The following KLF12 variants were observed in gnomAD, a reference collection of about 807,000 sequenced individuals.
KLF12 encodes the protein Krueppel-like factor 12.
Under a neutral mutation model 37.8 loss-of-function variants are expected in KLF12, and 9 were observed. The observed-to-expected ratio is 0.24, with a 90% CI of 0.14 to 0.42. The LOEUF is 0.42. Ranked by LOEUF, KLF12 falls within the 10% of genes least tolerant of loss-of-function variation. The pLI is 1.00. For missense variants in KLF12, 411 were observed against 516.0 expected (o/e 0.80, Z 1.97); for synonymous variants, 208 against 202.1 (o/e 1.03, Z -0.25).
chr13:74,236,206 G>C, the KLF12 span, among the ~76,000 whole-genome samples: 1 of 137,352 alleles, frequency 7.3e-6, no homozygotes, highest in Non-Finnish European at 1.5e-5. Context: ...TTGGTTTTTT[G>C]TTCTTGCGAT....
the KLF12 span, among the ~76,000 whole-genome samples, chr13:74,287,357 A>AGG: frequency 7.0e-6 from 1 of 143,352 alleles, no homozygotes; most frequent in African/African-American, 2.7e-5. Context: ...GTTGAGAGAG[A>AGG]GAGAGAGAGA....
intron 6 of KLF12, among the ~76,000 whole-genome samples, chr13:73,738,089 GTACATATATA>G (rs1166112619): frequency 8.8e-6 from 1 of 113,040 alleles, no homozygotes; most frequent in Non-Finnish European, 1.9e-5. Flanking sequence ...ATATGTATGT[GTACATATATA>G]TATATATATA....
chr13:74,191,771 A>AGG, the KLF12 span, among the ~76,000 whole-genome samples: 1 of 152,174 alleles, frequency 6.6e-6, no homozygotes, highest in Non-Finnish European at 1.5e-5. Context: ...AGGCCAATTC[A>AGG]GGGGGAGGTA....
chr13:73,890,581 T>C (rs1887456664), intron 3 of KLF12, among the ~76,000 whole-genome samples: 2 of 152,254 alleles, frequency 1.3e-5, no homozygotes, highest in South Asian at 2.1e-4. Context: ...TGGATTTTAC[T>C]ATGTTGTTAA....
rs191935514 is a variant in KLF12 at position 73,945,466 on chromosome 13, T to C, written c.34-1396A>G. Among the ~76,000 whole-genome samples the C allele has an allele frequency of 3.7e-3, 546 of 145,634 alleles. 4 individuals carry two copies. Among genetic ancestry groups the C allele is most frequent in the South Asian group, 7.1e-3 (28 of 3,936 alleles). On this transcript the variant is annotated intron_variant, in intron 2 of 7. Coordinates refer to ENST00000377669, the MANE Select transcript of KLF12 (RefSeq NM_007249.5). Reference sequence around the variant, plus strand: ...CCTGGGGAACAAGAGTGAAACTCCATCTCAAAAATAAATAAATAAAAACGA... The same window carrying C: ...CCTGGGGAACAAGAGTGAAACTCCACCTCAAAAATAAATAAATAAAAACGA...
chr13:73,948,889 C>T (rs1042698432), intron 2 of KLF12, among the ~76,000 whole-genome samples: 1 of 152,164 alleles, frequency 6.6e-6, no homozygotes, highest in African/African-American at 2.4e-5. Flanking sequence ...TACTGCCATG[C>T]AACAAATCAC....
At chr13:74,302,042 G>C in the KLF12 span, among the ~76,000 whole-genome samples, 1 of 152,146 alleles carries the variant, frequency 6.6e-6, no homozygotes, top group African/African-American at 2.4e-5. Context: ...TATCTGTGAA[G>C]GATGTTTTTG....
At chr13:73,912,339 A>G (rs1335330485) in intron 3 of KLF12, among the ~76,000 whole-genome samples, 1 of 152,136 alleles carries the variant, frequency 6.6e-6, no homozygotes, top group Non-Finnish European at 1.5e-5. Context: ...CTCCAAAATG[A>G]TATGTTGAAG....
chr13:73,885,119 T>C (rs921746924), intron 3 of KLF12, among the ~76,000 whole-genome samples: 1 of 152,236 alleles, frequency 6.6e-6, no homozygotes, highest in Non-Finnish European at 1.5e-5. Flanking sequence ...ATGAAATCTC[T>C]ATGTCCAAAG....
At chr13:74,061,544 A>G (rs1335255592) in intron 1 of KLF12, among the ~76,000 whole-genome samples, 2 of 152,144 alleles carry the variant, frequency 1.3e-5, no homozygotes, top group African/African-American at 2.4e-5. Context: ...CTGTGAGACC[A>G]CAGATAAAAA....
intron 4 of KLF12, among the ~76,000 whole-genome samples, chr13:73,816,155 T>C (rs905229923): frequency 6.6e-6 from 1 of 152,230 alleles, no homozygotes; most frequent in African/African-American, 2.4e-5. Context: ...CTTATCTGCA[T>C]ACTTGCATAA....
chr13:74,190,793 C>A, the KLF12 span, among the ~76,000 whole-genome samples: 25 of 152,258 alleles, frequency 1.6e-4, no homozygotes, highest in African/African-American at 6.0e-4. Context: ...ATGGAAGTAA[C>A]CCCGGCTACT....
At chr13:74,059,562 T>A (rs913357807) in intron 1 of KLF12, among the ~76,000 whole-genome samples, 4 of 152,242 alleles carry the variant, frequency 2.6e-5, no homozygotes, top group Admixed American at 2.6e-4. Context: ...TTTCTTCATG[T>A]TTGTTGGCCA....
chr13:73,974,124 CAA>C (rs1891430270), intron 2 of KLF12, among the ~76,000 whole-genome samples: 1 of 151,866 alleles, frequency 6.6e-6, no homozygotes, highest in Admixed American at 6.6e-5. Context: ...GCACAAAGAA[CAA>C]AGAGAGCCTG....
intron 3 of KLF12, among the ~76,000 whole-genome samples, chr13:73,920,287 A>G (rs1889052536): frequency 6.6e-6 from 1 of 152,146 alleles, no homozygotes; most frequent in East Asian, 1.9e-4. Flanking sequence ...ATGTATAACT[A>G]TGTACATATA....
chr13:74,163,401 A>T, the KLF12 span, among the ~76,000 whole-genome samples: 1 of 152,220 alleles, frequency 6.6e-6, no homozygotes, highest in Non-Finnish European at 1.5e-5. Context: ...TTCAGCCATA[A>T]GAAAAGAATG....
At chr13:74,216,372 T>C in the KLF12 span, among the ~76,000 whole-genome samples, 86 of 152,122 alleles carry the variant, frequency 5.7e-4, no homozygotes, top group Non-Finnish European at 7.3e-5. Context: ...CACAGGGTAA[T>C]GTACAAAAAA....
upstream of KLF12, among the ~76,000 whole-genome samples, chr13:74,135,176 G>T (rs894029665): frequency 6.6e-6 from 1 of 152,028 alleles, no homozygotes; most frequent in East Asian, 1.9e-4. Context: ...ACCTTGGCGG[G>T]ATGAATGGGG....
intron 6 of KLF12, among the ~76,000 whole-genome samples, chr13:73,721,914 T>C (rs1291826010): frequency 6.6e-6 from 1 of 152,124 alleles, no homozygotes. Flanking sequence ...TTTTAAAGGC[T>C]GAGTTTGGCA....
Sources: allele counts gnomAD v4.1 joint callset (sites outside exome capture counted in the v4.1 genomes callset), GRCh38; gene constraint gnomAD v4.1.1; transcripts MANE v1.5; gene names NCBI Gene and HGNC (gene_info 2026-07-23, HGNC 2026-07-21).